KIAA1549L: variants seen among roughly 807,000 people sequenced by gnomAD.
KIAA1549L encodes UPF0606 protein KIAA1549L.
In KIAA1549L, 88 loss-of-function variants were observed where a neutral mutation model predicts 160.7. The observed-to-expected ratio is 0.55, with a 90% CI of 0.46 to 0.65. The LOEUF (loss-of-function observed/expected upper bound fraction) is 0.65. Among genes scored for constraint, KIAA1549L ranks in the 30% least tolerant of loss-of-function variants. KIAA1549L has a pLI of 0.00. For synonymous variants in KIAA1549L, 950 were observed against 976.7 expected (o/e 0.97, Z 0.51); for missense variants, 2,258 against 2,437.5 (o/e 0.93, Z 1.55).
intron 5 of KIAA1549L, among the ~76,000 whole-genome samples, chr11:33,551,903 C>T (rs980264298): frequency 6.6e-6 from 1 of 152,128 alleles, no homozygotes; most frequent in Admixed American, 6.5e-5. Context: ...ATCTCTGGTT[C>T]GATCGTGCTT....
chr11:33,417,642 A>G (rs1307010576), intron 1 of KIAA1549L, among the ~76,000 whole-genome samples: 3 of 152,062 alleles, frequency 2.0e-5, no homozygotes, highest in Admixed American at 6.6e-5. Context: ...TCATGGCTGC[A>G]TTTCTCACAT....
chr11:33,622,640 GA>G (rs1227830049), intron 16 of KIAA1549L, among the ~76,000 whole-genome samples: 2 of 152,132 alleles, frequency 1.3e-5, no homozygotes, highest in East Asian at 3.9e-4. Flanking sequence ...CAACCTCCTG[GA>G]ACGCCAGGAG....
intron 6 of KIAA1549L, among the ~76,000 whole-genome samples, chr11:33,556,222 G>A (rs1854642360): frequency 1.3e-5 from 2 of 152,198 alleles, no homozygotes; most frequent in African/African-American, 4.8e-5. Flanking sequence ...ATGTCAAATA[G>A]TGCATCCCCC....
intron 1 of KIAA1549L, among the ~76,000 whole-genome samples, chr11:33,510,395 CAGGCTGGTCTTGAACTCCTGACCTCA>C (rs1853199836): frequency 1.3e-5 from 2 of 152,266 alleles, no homozygotes; most frequent in South Asian, 4.1e-4. Flanking sequence ...CCATGTTGGC[CAGGCTGGTCTTGAACTCCTGACCTCA>C]AGTGATCCAC....
chr11:33,405,829 C>T (rs1021134894), intron 1 of KIAA1549L, among the ~76,000 whole-genome samples: 52 of 106,702 alleles, frequency 4.9e-4, no homozygotes, highest in Admixed American at 1.5e-3. Context: ...GCAACAGAGC[C>T]AGTCTGTCTC....
chr11:33,598,733 C>A, intron 12 of KIAA1549L, 87 bp from the exon 13 acceptor site: 1 of 1,469,364 alleles, frequency 6.8e-7, no homozygotes, highest in Non-Finnish European at 9.4e-7. Context: ...AGGCTACAGA[C>A]ATTAAACTGT....
In KIAA1549L at chr11:33,668,035, A is replaced by AACG. The variant is rs748843401; in HGVS notation, c.6325_6327dup (p.Asp2109dup). ...GGCCTCGCAGCAGAGCCTGGCAGAA[A>AACG]ACGACCCGTCTGACGCTCCCCTGAC... On this transcript the variant is annotated inframe_insertion, in exon 21 of 21. Transcript: ENST00000658780. The AACG allele has an allele frequency of 7.4e-6, 12 of 1,613,928 alleles. No homozygotes were observed. The highest frequency in any genetic ancestry group is 1.0e-5 in the Non-Finnish European group (12 of 1,179,862).
intron 18 of KIAA1549L, among the ~76,000 whole-genome samples, 165 bp from the exon 19 acceptor site, chr11:33,658,585 G>C (rs1852149000): frequency 6.6e-6 from 1 of 152,170 alleles, no homozygotes; most frequent in Non-Finnish European, 1.5e-5. Context: ...CCCTGCTGGT[G>C]TTCCTAGAAG....
At chr11:33,577,886 G>T (rs920758324) in intron 10 of KIAA1549L, among the ~76,000 whole-genome samples, 1 of 152,130 alleles carries the variant, frequency 6.6e-6, no homozygotes, top group Non-Finnish European at 1.5e-5. Flanking sequence ...GGAGATTTAT[G>T]CACCTGGCTC....
At chr11:33,381,064 A>G (rs1262248831) in intron 1 of KIAA1549L, among the ~76,000 whole-genome samples, 2 of 151,968 alleles carry the variant, frequency 1.3e-5, no homozygotes, top group South Asian at 2.1e-4. Context: ...TATTGAGCCC[A>G]GTGCCGTCCA....
At chr11:33,452,208 A>C (rs1197003197) in intron 1 of KIAA1549L, among the ~76,000 whole-genome samples, 1 of 152,242 alleles carries the variant, frequency 6.6e-6, no homozygotes, top group African/African-American at 2.4e-5. Context: ...TGCAGGAGGT[A>C]GGTGAAAGCT....
In KIAA1549L at chr11:33,543,328, GTT is replaced by G. The variant is rs1160457193; in HGVS notation, c.1768_1769del (p.Leu590GlufsTer11). 1 of 1,613,932 alleles carries G rather than the reference GTT, an allele frequency of 6.2e-7. No individual in the cohort carries two copies. The highest frequency in any genetic ancestry group is 1.3e-5 in the African/African-American group (1 of 74,936). On this transcript the variant is annotated frameshift_variant, in exon 2 of 21. Transcript: ENST00000658780. LOFTEE classifies it high-confidence loss of function. ...IPLQAFPRKEVLSLHTVNGFV... is the reference protein window; with the variant it reads ...IPLQAFPRKEXLSLHTVNGFV... ...TCTCCAGGCCTTTCCAAGGAAAGAG[GTT>G]TTGAGTCTTCACACTGTAAATGGAT...
chr11:33,662,696 C>G (rs1852307272), intron 20 of KIAA1549L, among the ~76,000 whole-genome samples: 5 of 152,188 alleles, frequency 3.3e-5, no homozygotes, highest in African/African-American at 1.2e-4. Context: ...TGGAGTGTAA[C>G]CCTGGGCACC....
intron 1 of KIAA1549L, among the ~76,000 whole-genome samples, chr11:33,454,895 C>T (rs576054763): frequency 6.6e-6 from 1 of 152,226 alleles, no homozygotes; most frequent in East Asian, 1.9e-4. Context: ...CCAGATCATC[C>T]TGGATAACAC....
In KIAA1549L at chr11:33,583,520, G is replaced by A. The variant is rs769099446; in HGVS notation, c.4566+19G>A. The A allele has an allele frequency of 7.8e-5, 121 of 1,560,416 alleles. No homozygotes were observed. Among genetic ancestry groups the A allele is most frequent in the Non-Finnish European group, 9.9e-5 (114 of 1,152,150 alleles). On this transcript the variant is annotated intron_variant, in intron 11 of 20. Coordinates refer to ENST00000658780, the MANE Select transcript of KIAA1549L (RefSeq NM_012194.3). ...AGCAAAGGTATATGGAAGTGGTGGG[G>A]AGAGGGGCAGGAGGACAGGCCTGCA...
chr11:33,541,579 A>G (rs913163629), intron 1 of KIAA1549L, among the ~76,000 whole-genome samples: 2 of 152,242 alleles, frequency 1.3e-5, no homozygotes, highest in African/African-American at 4.8e-5. Context: ...TGCCTTAAGC[A>G]TCACTTCATC....
chr11:33,391,601 G>C (rs1283987115), intron 1 of KIAA1549L, among the ~76,000 whole-genome samples: 1 of 152,194 alleles, frequency 6.6e-6, no homozygotes, highest in African/African-American at 2.4e-5. Context: ...CTGAGAAGGA[G>C]ACTGGGAGTC....
At chr11:33,440,360 G>A (rs1056094676) in intron 1 of KIAA1549L, among the ~76,000 whole-genome samples, 35 of 151,390 alleles carry the variant, frequency 2.3e-4, no homozygotes, top group African/African-American at 8.0e-4. Context: ...TCGATCTCCT[G>A]ACCTCGTGAT....
intron 1 of KIAA1549L, among the ~76,000 whole-genome samples, chr11:33,421,630 C>T (rs1424493743): frequency 6.6e-6 from 1 of 152,188 alleles, no homozygotes; most frequent in Non-Finnish European, 1.5e-5. Context: ...ATTTATAAAG[C>T]AGATGAATAA....
Sources: gnomAD v4.1 joint callset for allele counts (sites outside exome capture counted in the v4.1 genomes callset) on GRCh38, gnomAD v4.1.1 for gene constraint, MANE v1.5 for transcripts, NCBI Gene and HGNC (gene_info 2026-07-23, HGNC 2026-07-21) for gene names.